RIN2: variants seen among roughly 807,000 people sequenced by gnomAD.
The protein encoded by RIN2 is Ras and Rab interactor 2, also known as RAB5 interacting protein 2.
Under a neutral mutation model 78.0 loss-of-function variants are expected in RIN2, and 36 were observed. The observed-to-expected ratio is 0.46, with a 90% CI of 0.35 to 0.61. The LOEUF (loss-of-function observed/expected upper bound fraction) is 0.61. RIN2 is among the 20% of genes least tolerant of loss of function. The pLI, the probability that RIN2 is intolerant of heterozygous loss-of-function variation, is 0.00. For synonymous variants in RIN2, 466 were observed against 466.8 expected (o/e 1.00, Z 0.02); for missense variants, 1,087 against 1,159.7 (o/e 0.94, Z 0.91).
chr20:19,965,147 G>A, intron 7 of RIN2, 123 bp downstream of exon 7: 1 of 755,720 alleles, frequency 1.3e-6, no homozygotes, highest in Non-Finnish European at 2.3e-6. Context: ...GATTAAGACT[G>A]GTTACTTAAG....
intron 3 of RIN2, among the ~76,000 whole-genome samples, chr20:19,912,475 C>CTTTT (rs545323465): frequency 2.6e-4 from 29 of 110,932 alleles, no homozygotes; most frequent in East Asian, 8.6e-4. Context: ...TTTTCTTTTT[C>CTTTT]TTTTTTTTTT....
At chr20:19,864,209 C>G (rs547211964) in intron 2 of RIN2, among the ~76,000 whole-genome samples, 1 of 152,030 alleles carries the variant, frequency 6.6e-6, no homozygotes, top group Admixed American at 6.5e-5. Flanking sequence ...TGGTTTTTGA[C>G]CATCCTGGGT....
intron 2 of RIN2, among the ~76,000 whole-genome samples, chr20:19,841,879 G>C (rs2036588294): frequency 6.6e-6 from 1 of 152,232 alleles, no homozygotes; most frequent in South Asian, 2.1e-4. Context: ...AAGCTGTCCA[G>C]AAGATCTAGC....
chr20:19,871,408 A>G (rs895300961), intron 2 of RIN2, among the ~76,000 whole-genome samples: 1 of 152,206 alleles, frequency 6.6e-6, no homozygotes, highest in African/African-American at 2.4e-5. Context: ...CTGAAGCTTC[A>G]TCTCATGAGG....
chr20:19,971,866 C>T (rs1041200421), intron 8 of RIN2, among the ~76,000 whole-genome samples: 4 of 151,692 alleles, frequency 2.6e-5, no homozygotes, highest in African/African-American at 7.3e-5. Flanking sequence ...CTTAGCCTCC[C>T]GAGTAGCTGG....
chr20:19,873,696 A>G lies in RIN2; in HGVS notation c.-36-15870A>G, dbSNP rs76612157. ...TTACAAGTGGATGCAAAACTGGTCAATATCCACAGGGCACTAATCAAGTGC... is the reference window on the plus strand; with the variant it reads ...TTACAAGTGGATGCAAAACTGGTCAGTATCCACAGGGCACTAATCAAGTGC... On this transcript the variant is annotated intron_variant, in intron 2 of 12. Coordinates refer to ENST00000255006, the MANE Select transcript of RIN2 (RefSeq NM_018993.4). 7.0e-3 allele frequency among the ~76,000 whole-genome samples: 1,062 copies of G among 152,308 alleles called. 11 individuals are homozygous for G. Among genetic ancestry groups the G allele is most frequent in the Non-Finnish European group, 0.012 (784 of 68,018 alleles).
At chr20:19,799,813 A>T (rs566105814) in intron 2 of RIN2, 66 bp downstream of exon 2, 1 of 152,260 alleles carries the variant, frequency 6.6e-6, no homozygotes, top group South Asian at 2.1e-4. Flanking sequence ...TTCCAAGCTC[A>T]TCAGTGTGAT....
chr20:19,886,843 G>T (rs993333929), intron 2 of RIN2: 14 of 974,052 alleles, frequency 1.4e-5, no homozygotes, highest in Admixed American at 7.6e-5. Flanking sequence ...AGCTGCTGGG[G>T]TGACATCTGT....
chr20:19,904,242 T>A (rs56922876), intron 3 of RIN2, among the ~76,000 whole-genome samples: 3,961 of 56,898 alleles, frequency 0.07, 146 homozygotes, highest in African/African-American at 0.11. Flanking sequence ...AAAAAAAAAA[T>A]ATATATATAT....
intron 3 of RIN2, among the ~76,000 whole-genome samples, chr20:19,896,405 G>T (rs987635585): frequency 3.3e-5 from 5 of 152,168 alleles, no homozygotes; most frequent in African/African-American, 1.2e-4. Flanking sequence ...GGCCAGGCTG[G>T]CCTCCAACTC....
At chr20:19,929,897 G>A (rs370168812) in intron 3 of RIN2, among the ~76,000 whole-genome samples, 47 of 152,270 alleles carry the variant, frequency 3.1e-4, no homozygotes, top group African/African-American at 8.4e-4. Context: ...AAATCCAACC[G>A]TCAGAGGGGA....
Position 19,818,753 on chromosome 20 carries a change from A to AG in RIN2, c.-37+19007dup, listed in dbSNP as rs1316957959. 1.2e-4 allele frequency among the ~76,000 whole-genome samples: 18 copies of AG among 148,544 alleles called. No individual in the cohort carries two copies. In the East Asian group the frequency reaches 1.6e-3, roughly 13 times the overall value. ...TATCAAAAAAAAAAAAGAAAGAAAG[A>AG]GAAAAAAAAAAAGAAAGTAACTGGG... On this transcript the variant is annotated intron_variant, in intron 2 of 12. Coordinates refer to ENST00000255006, the MANE Select transcript of RIN2 (RefSeq NM_018993.4).
At chr20:19,971,023 C>T in intron 8 of RIN2, 94 bp downstream of exon 8, 1 of 881,570 alleles carries the variant, frequency 1.1e-6, no homozygotes, top group Non-Finnish European at 1.8e-6. Flanking sequence ...CTCCGTCAAT[C>T]TCTCCAGCTT....
At position 20,001,859 on chromosome 20, in the gene RIN2, G is replaced by A. The variant is rs2043150691; in HGVS notation, c.*923G>A. 6.6e-6 allele frequency: 1 copy of A among 152,634 alleles called. No homozygotes were observed. The highest frequency in any genetic ancestry group is 6.5e-5 in the Admixed American group (1 of 15,282). The allele number at this position is 152,634 out of a possible 1,614,324, so 9.5% of individuals were successfully genotyped here. On this transcript the variant is annotated 3_prime_UTR_variant, in exon 13 of 13. Coordinates refer to ENST00000255006, the MANE Select transcript of RIN2 (RefSeq NM_018993.4). ...AGGCTCTTCAAAAGATGTAGAAAAA[G>A]AGATAGAAGGAACCACCTATGCTTA...
chr20:19,819,541 C>A (rs1240871320), intron 2 of RIN2, among the ~76,000 whole-genome samples: 2 of 152,154 alleles, frequency 1.3e-5, no homozygotes, highest in Non-Finnish European at 2.9e-5. Flanking sequence ...AAATATTTAA[C>A]AATTGAAATC....
At chr20:19,940,293 T>C (rs2040814127) in intron 4 of RIN2, among the ~76,000 whole-genome samples, 2 of 152,134 alleles carry the variant, frequency 1.3e-5, no homozygotes, top group South Asian at 2.1e-4. Flanking sequence ...GTTGAATGGA[T>C]AAAGGAAAGG....
chr20:19,977,245 C>T (rs762007986), intron 9 of RIN2, among the ~76,000 whole-genome samples: 12 of 152,142 alleles, frequency 7.9e-5, no homozygotes, highest in African/African-American at 1.2e-4. Flanking sequence ...ATGTGGCCAG[C>T]GGCGCCAACC....
At chr20:19,867,488 T>C (rs938748047) in intron 2 of RIN2, among the ~76,000 whole-genome samples, 1 of 152,246 alleles carries the variant, frequency 6.6e-6, no homozygotes, top group Admixed American at 6.5e-5. Context: ...CACTTCTGTT[T>C]AGAGACTCCT....
rs11362637 is a variant in RIN2, at chr20:19,886,612, C to CT, written c.-36-2935dup. On this transcript the variant is annotated intron_variant, in intron 2 of 12. Coordinates refer to ENST00000255006, the MANE Select transcript of RIN2 (RefSeq NM_018993.4). ...GGGCTGCCTTCTTCTTCTTCTTCTT[C>CT]TTTTTTTTTTTTTTTTTTTGCTAGC... 0.066 allele frequency: 34,179 copies of CT among 518,174 alleles called. 1,252 individuals carry two copies. The highest frequency in any genetic ancestry group is 0.17 in the African/African-American group (6,310 of 37,802). The allele number at this position is 518,174 out of a possible 1,614,324, so 32.1% of individuals were successfully genotyped here.
Sources: gnomAD v4.1 joint callset for allele counts (sites outside exome capture counted in the v4.1 genomes callset) on GRCh38, gnomAD v4.1.1 for gene constraint, MANE v1.5 for transcripts, NCBI Gene and HGNC (gene_info 2026-07-23, HGNC 2026-07-21) for gene names.